Variants in PEBP4 observed in about 807,000 individuals in gnomAD.
PEBP4 encodes phosphatidylethanolamine-binding protein 4.
Under a neutral mutation model 23.9 loss-of-function variants are expected in PEBP4, and 22 were observed. The observed-to-expected ratio is 0.92, with a 90% CI of 0.66 to 1.31. The LOEUF is 1.31. Ranked by LOEUF, PEBP4 falls within the 40% of genes most tolerant of loss-of-function variation. PEBP4 has a pLI of 0.00. For missense variants in PEBP4, 324 were observed against 281.7 expected, an observed-to-expected ratio of 1.15 and a Z score of -1.07; for synonymous variants, 112 against 99.3, an observed-to-expected ratio of 1.13 and a Z score of -0.76.
chr8:22,725,435 C>T (rs544086473), intron 5 of PEBP4, among the ~76,000 whole-genome samples: 24 of 137,662 alleles, frequency 1.7e-4, no homozygotes, highest in African/African-American at 3.7e-4. Context: ...GAAGTGGTTA[C>T]GAGGGTGGGT....
At chr8:22,821,883 G>C (rs1250883000) in intron 3 of PEBP4, among the ~76,000 whole-genome samples, 1 of 151,732 alleles carries the variant, frequency 6.6e-6, no homozygotes, top group African/African-American at 2.4e-5. Flanking sequence ...TACTCCAGAG[G>C]CTGAGGCAGG....
chr8:22,803,252 G>A (rs533083269), intron 4 of PEBP4, among the ~76,000 whole-genome samples: 2 of 152,206 alleles, frequency 1.3e-5, no homozygotes, highest in African/African-American at 2.4e-5. Flanking sequence ...CAACACACTC[G>A]GCCCCTGAAG....
intron 6 of PEBP4, among the ~76,000 whole-genome samples, chr8:22,716,438 G>A (rs1804420801): frequency 6.6e-6 from 1 of 152,212 alleles, no homozygotes; most frequent in African/African-American, 2.4e-5. Flanking sequence ...CCACCACTCT[G>A]TGCCTGGCCT....
intron 4 of PEBP4, among the ~76,000 whole-genome samples, chr8:22,741,516 G>A: frequency 6.6e-6 from 1 of 152,202 alleles, no homozygotes; most frequent in Non-Finnish European, 1.5e-5. Context: ...AACTCCACCT[G>A]GAGCTCACAG....
At chr8:22,727,913 G>T (rs550521707) in intron 4 of PEBP4, among the ~76,000 whole-genome samples, 4 of 152,070 alleles carry the variant, frequency 2.6e-5, no homozygotes, top group Admixed American at 6.5e-5. Flanking sequence ...AGGTGACCCC[G>T]GGGGTGGGTG....
intron 3 of PEBP4, among the ~76,000 whole-genome samples, chr8:22,883,429 C>G (rs1276979976): frequency 1.3e-5 from 2 of 152,116 alleles, no homozygotes; most frequent in African/African-American, 2.4e-5. Flanking sequence ...GTGACCTGAT[C>G]TCCCTGTGCC....
chr8:22,813,768 GACA>G (rs1238455595), intron 4 of PEBP4, among the ~76,000 whole-genome samples: 1 of 152,190 alleles, frequency 6.6e-6, no homozygotes, highest in African/African-American at 2.4e-5. Context: ...AGCCAAGTGG[GACA>G]GCATACCTTA....
At chr8:22,877,753 C>T (rs979071928) in intron 3 of PEBP4, among the ~76,000 whole-genome samples, 7 of 152,290 alleles carry the variant, frequency 4.6e-5, no homozygotes, top group South Asian at 2.1e-4. Flanking sequence ...AACAGCTTCT[C>T]GCTGTCGCTC....
chr8:22,938,438 T>C (rs1362516282), intron 1 of PEBP4, among the ~76,000 whole-genome samples: 2 of 152,242 alleles, frequency 1.3e-5, no homozygotes, highest in East Asian at 1.9e-4. Context: ...CCTGGGTATC[T>C]TGTCATATCT....
At chr8:22,939,642 CT>C (rs369140039) in intron 1 of PEBP4, among the ~76,000 whole-genome samples, 149 of 151,790 alleles carry the variant, frequency 9.8e-4, no homozygotes, top group African/African-American at 3.5e-3. Context: ...CGCTTTCCTT[CT>C]ACCAAGCAGA....
chr8:22,883,104 C>T (rs191932445), intron 3 of PEBP4, among the ~76,000 whole-genome samples: 61 of 152,316 alleles, frequency 4.0e-4, no homozygotes, highest in South Asian at 1.0e-3. Flanking sequence ...TGTCTTCCCA[C>T]ACCTGATTAA....
Position 22,719,724 on chromosome 8 carries a change from CG to C in PEBP4, c.517+5118del, listed in dbSNP as rs530366439. On this transcript the variant is annotated intron_variant, in intron 6 of 6. Coordinates refer to ENST00000256404, the MANE Select transcript of PEBP4 (RefSeq NM_144962.3). ...TCACTGTTTCAGGCTTTGCTTTCCTCGTTTGCCCTGGGGTAGGGGTGATGGC... is the reference window on the plus strand; with the variant it reads ...TCACTGTTTCAGGCTTTGCTTTCCTCTTTGCCCTGGGGTAGGGGTGATGGC... 4.8e-3 allele frequency among the ~76,000 whole-genome samples: 727 copies of C among 152,216 alleles called. 7 individuals are homozygous for C. The highest frequency in any genetic ancestry group is 0.017 in the African/African-American group (690 of 41,534).
At chr8:22,779,635 C>T (rs1239354665) in intron 4 of PEBP4, among the ~76,000 whole-genome samples, 1 of 152,170 alleles carries the variant, frequency 6.6e-6, no homozygotes, top group Non-Finnish European at 1.5e-5. Context: ...GGTGGTGTCT[C>T]CACTGGGAAT....
intron 3 of PEBP4, among the ~76,000 whole-genome samples, chr8:22,831,310 T>C (rs1240030038): frequency 6.6e-6 from 1 of 152,236 alleles, no homozygotes; most frequent in East Asian, 1.9e-4. Context: ...AGCATAGTTT[T>C]TTATTAATGT....
chr8:22,912,583 G>A (rs142191873), intron 3 of PEBP4, among the ~76,000 whole-genome samples: 84 of 152,342 alleles, frequency 5.5e-4, no homozygotes, highest in African/African-American at 1.9e-3. Context: ...CCTGGGCAGC[G>A]CCCTCATCTG....
At chr8:22,854,703 C>T (rs1012204111) in intron 3 of PEBP4, among the ~76,000 whole-genome samples, 8 of 152,134 alleles carry the variant, frequency 5.3e-5, no homozygotes, top group East Asian at 3.9e-4. Context: ...TGTGCATTGA[C>T]GTAATTACCA....
In PEBP4 at chr8:22,927,881, T is replaced by C. The variant is rs1809385567; in HGVS notation, c.-65A>G. The C allele has an allele frequency of 2.7e-6, 2 of 735,934 alleles. No homozygotes were observed. Among genetic ancestry groups the C allele is most frequent in the South Asian group, 2.0e-5 (1 of 50,732 alleles). 45.6% of individuals were successfully genotyped at this position (735,934 alleles called of 1,614,324 possible). The stretch of plus-strand genomic sequence containing the variant: ...TTCCAGGGCTCCGCAGCTAATCCAG[T>C]CCACCACCCGGACACAAGTACTTTG... On this transcript the variant is annotated 5_prime_UTR_variant, in exon 1 of 7. Coordinates refer to ENST00000256404, the MANE Select transcript of PEBP4 (RefSeq NM_144962.3).
intron 4 of PEBP4, among the ~76,000 whole-genome samples, chr8:22,740,043 T>C (rs1291658297): frequency 6.6e-6 from 1 of 152,258 alleles, no homozygotes; most frequent in East Asian, 1.9e-4. Flanking sequence ...TAGGTTTCCA[T>C]ACTTGGCTCT....
At chr8:22,803,773 T>C (rs10216846) in intron 4 of PEBP4, among the ~76,000 whole-genome samples, 59,561 of 152,050 alleles carry the variant, frequency 0.39, 11,856 homozygotes, top group Middle Eastern at 0.47. Context: ...GCCTCCAGTA[T>C]CCTCATCTCA....
Sources: gnomAD v4.1 joint callset for allele counts (sites outside exome capture counted in the v4.1 genomes callset) on GRCh38, gnomAD v4.1.1 for gene constraint, MANE v1.5 for transcripts, NCBI Gene and HGNC (gene_info 2026-07-23, HGNC 2026-07-21) for gene names.